The following YTHDC1 variants were observed in gnomAD, a reference collection of about 807,000 sequenced individuals.
YTHDC1 encodes YTH domain-containing protein 1.
A neutral mutation model predicts 107.0 loss-of-function variants in YTHDC1; 12 were observed. The observed-to-expected ratio is 0.11, with a 90% CI of 0.07 to 0.18. The LOEUF (loss-of-function observed/expected upper bound fraction) is 0.18, where lower values mean the gene tolerates loss of function less well. YTHDC1 is among the 10% of genes least tolerant of loss of function. The probability of loss-of-function intolerance (pLI) is 1.00; values close to 1 mark genes in which losing one functional copy is unlikely to be tolerated. For synonymous variants in YTHDC1, 280 were observed against 289.5 expected, an observed-to-expected ratio of 0.97 and a Z score of 0.33; for missense variants, 635 against 898.8, an observed-to-expected ratio of 0.71 and a Z score of 3.75.
At chr4:68,342,084 T>G (rs570195088) in intron 1 of YTHDC1, among the ~76,000 whole-genome samples, 3 of 152,332 alleles carry the variant, frequency 2.0e-5, no homozygotes, top group East Asian at 3.9e-4. Flanking sequence ...GTATGGTATA[T>G]GCATACATGT....
At chr4:68,337,517 C>T in intron 3 of YTHDC1, 55 bp downstream of exon 3, 1 of 1,587,426 alleles carries the variant, frequency 6.3e-7, no homozygotes, top group Non-Finnish European at 8.5e-7. Context: ...ATAAACAGTT[C>T]TAAAGCCTCA....
Position 68,349,837 on chromosome 4 carries a change from C to A in YTHDC1, c.-84G>T. On this transcript the variant is annotated 5_prime_UTR_variant, in exon 1 of 17. Transcript: ENST00000344157. ...GGGCGCCGCAGCCGCGGCAGAAGCA[C>A]GGGCCCGTCCGTCAGTCCGTCTGCC... The A allele has an allele frequency of 6.3e-7, 1 of 1,592,476 alleles. No individual in the cohort carries two copies.
chr4:68,316,573 T>C, intron 15 of YTHDC1, 125 bp from the exon 16 acceptor site: 1 of 1,140,190 alleles, frequency 8.8e-7, no homozygotes, highest in Non-Finnish European at 1.2e-6. Flanking sequence ...TTTACTTTGA[T>C]GGCATTAAGG....
At position 68,350,087 on chromosome 4, in the gene YTHDC1, A is replaced by C; in HGVS notation, c.-334T>G. 2.1e-6 allele frequency: 1 copy of C among 469,870 alleles called. No individual in the cohort carries two copies. The highest frequency in any genetic ancestry group is 3.8e-6 in the Non-Finnish European group (1 of 260,158). The allele number at this position is 469,870 out of a possible 1,614,324, so 29.1% of individuals were successfully genotyped here. On this transcript the variant is annotated 5_prime_UTR_variant, in exon 1 of 17. Coordinates refer to ENST00000344157, the MANE Select transcript of YTHDC1 (RefSeq NM_001031732.4). Reference sequence around the variant, plus strand: ...CCTGCGCGAAACAATCCCGCTCCCGAAATGCCCTGCGCTGTTTACGCTTCG... The same window carrying C: ...CCTGCGCGAAACAATCCCGCTCCCGCAATGCCCTGCGCTGTTTACGCTTCG...
At chr4:68,348,013 G>A (rs1334930485) in intron 1 of YTHDC1, among the ~76,000 whole-genome samples, 1 of 152,332 alleles carries the variant, frequency 6.6e-6, no homozygotes, top group African/African-American at 2.4e-5. Context: ...CTAAGCAAAT[G>A]TGAGGCAAAG....
intron 11 of YTHDC1, among the ~76,000 whole-genome samples, chr4:68,320,563 TAA>T (rs1427457278): frequency 6.6e-6 from 1 of 152,080 alleles, no homozygotes; most frequent in Non-Finnish European, 1.5e-5. Flanking sequence ...CTTTCCCAAA[TAA>T]AGTCTCCATT....
intron 16 of YTHDC1, among the ~76,000 whole-genome samples, chr4:68,314,945 T>C (rs1479141280): frequency 6.6e-6 from 1 of 152,214 alleles, no homozygotes; most frequent in Non-Finnish European, 1.5e-5. Flanking sequence ...TTAGCTGAAA[T>C]AAGATTTGAA....
intron 4 of YTHDC1, among the ~76,000 whole-genome samples, chr4:68,334,578 T>A (rs1363711752): frequency 6.6e-6 from 1 of 152,194 alleles, no homozygotes; most frequent in Non-Finnish European, 1.5e-5. Context: ...TTTTGGGGGC[T>A]TTTTTCATTA....
Position 68,314,253 on chromosome 4 carries a change from C to T in YTHDC1, c.2030G>A (p.Arg677Lys). The T allele has an allele frequency of 6.2e-7, 1 of 1,614,006 alleles. No homozygotes were observed. Among genetic ancestry groups the T allele is most frequent in the African/African-American group, 1.3e-5 (1 of 75,008 alleles). ...TQAVVSGRRS[R>K]PRERDRERER... ...TCGTTCCCGGTCTCTTTCACGGGGT[C>T]TACTTCTCCGGCCACTGACAACAGC... The change falls in exon 17 of 17, where the codon AGA (arginine) becomes AAA (lysine). Residue 677 changes from arginine to lysine, a missense_variant. Physicochemically the swap from Arg to Lys is conservative, Grantham distance 26 (BLOSUM62 2). Transcript: ENST00000344157.
In YTHDC1 at chr4:68,317,792, G is replaced by T. The variant is rs749627441; in HGVS notation, c.1824+727C>A. Among the ~76,000 whole-genome samples the T allele has an allele frequency of 6.2e-4, 94 of 152,260 alleles. 1 individual carries two copies. The highest frequency in any genetic ancestry group is 6.5e-4 in the Admixed American group (10 of 15,304). ...TCATGATGTCAATTTCATTCACCAT[G>T]ATATAATCAGAACAAGCACAGTGCC... On this transcript the variant is annotated intron_variant, in intron 15 of 16. Coordinates refer to ENST00000344157, the MANE Select transcript of YTHDC1 (RefSeq NM_001031732.4).
intron 1 of YTHDC1, among the ~76,000 whole-genome samples, chr4:68,339,969 T>C (rs901239143): frequency 6.6e-6 from 1 of 152,146 alleles, no homozygotes; most frequent in East Asian, 1.9e-4. Context: ...CTAATGCTAA[T>C]AGTAAATGTT....
chr4:68,345,002 G>A (rs1388368851), intron 1 of YTHDC1, among the ~76,000 whole-genome samples: 1 of 152,144 alleles, frequency 6.6e-6, no homozygotes, highest in African/African-American at 2.4e-5. Flanking sequence ...CTGCACTTCA[G>A]CCTGGGCAAC....
chr4:68,343,246 T>TGG (rs1003170849), intron 1 of YTHDC1, among the ~76,000 whole-genome samples: 2 of 152,060 alleles, frequency 1.3e-5, no homozygotes, highest in African/African-American at 4.8e-5. Flanking sequence ...TCACCCAGGC[T>TGG]GGAGTGCAGT....
chr4:68,337,691 T>C lies in YTHDC1; in HGVS notation c.340A>G (p.Lys114Glu), dbSNP rs1312476962. The C allele has an allele frequency of 1.2e-6, 2 of 1,614,180 alleles. No homozygotes were observed. Among genetic ancestry groups the C allele is most frequent in the Non-Finnish European group, 8.5e-7 (1 of 1,180,024 alleles). ...ERNKRLDADR[K>E]IRLSSSASRE... ...GAGGCACTACTTGATAGACGAATTTTCCGATCAGCATCTAGACGCTTGTTT... is the reference window on the plus strand; with the variant it reads ...GAGGCACTACTTGATAGACGAATTTCCCGATCAGCATCTAGACGCTTGTTT... Residue 114 changes from lysine (K) to glutamate (E), a missense_variant, in exon 3 of 17, where the codon AAA (lysine) becomes GAA (glutamate). Coordinates refer to ENST00000344157, the MANE Select transcript of YTHDC1 (RefSeq NM_001031732.4).
chr4:68,314,413 A>C, intron 16 of YTHDC1, 90 bp from the exon 17 acceptor site: 1 of 1,073,192 alleles, frequency 9.3e-7, no homozygotes, highest in Non-Finnish European at 1.3e-6. Flanking sequence ...TATATAAACA[A>C]TTTTAAAATA....
chr4:68,336,350 G>A (rs1416760154), intron 4 of YTHDC1, among the ~76,000 whole-genome samples: 2 of 151,970 alleles, frequency 1.3e-5, no homozygotes, highest in Non-Finnish European at 2.9e-5. Context: ...CCTAAGCCTA[G>A]TGCCTCCAAC....
rs768869184 is a variant in YTHDC1 at position 68,310,563 on chromosome 4, G to T, written c.*3536C>A. 2 of 152,170 alleles carry T rather than the reference G, an allele frequency of 1.3e-5. No homozygotes were observed. The highest frequency in any genetic ancestry group is 2.9e-5 in the Non-Finnish European group (2 of 68,020). 9.4% of individuals were successfully genotyped at this position (152,170 alleles called of 1,614,324 possible). ...GATAACAGAATACTATGCATGGATT[G>T]CTTATACTCTAAGGATTCCTATTCC... On this transcript the variant is annotated 3_prime_UTR_variant, in exon 17 of 17. Transcript: ENST00000344157.
chr4:68,317,153 G>A (rs966490916), intron 15 of YTHDC1, among the ~76,000 whole-genome samples: 4 of 152,118 alleles, frequency 2.6e-5, no homozygotes, highest in African/African-American at 4.8e-5. Context: ...GTGCCCAGGA[G>A]TTCAAGGCTG....
intron 2 of YTHDC1, 95 bp from the exon 3 acceptor site, chr4:68,337,995 G>A (rs1449222920): frequency 2.0e-6 from 3 of 1,483,588 alleles, no homozygotes; most frequent in Admixed American, 5.3e-5. Context: ...TCAGGAAGGG[G>A]GGATAGGCCT....
Sources: gnomAD v4.1 joint callset for allele counts (sites outside exome capture counted in the v4.1 genomes callset) on GRCh38, gnomAD v4.1.1 for gene constraint, MANE v1.5 for transcripts, NCBI Gene and HGNC (gene_info 2026-07-23, HGNC 2026-07-21) for gene names.